Variants in STARD9 observed in about 807,000 individuals in gnomAD.
STARD9 encodes the protein stAR-related lipid transfer protein 9.
Under a neutral mutation model 399.8 loss-of-function variants are expected in STARD9, and 346 were observed. The observed-to-expected ratio is 0.87, with a 90% CI of 0.79 to 0.95. STARD9 has a LOEUF of 0.95. Ranked by LOEUF, STARD9 falls within the 40% of genes least tolerant of loss-of-function variation. The probability of loss-of-function intolerance (pLI) is 0.00; values close to 1 mark genes in which losing one functional copy is unlikely to be tolerated. For synonymous variants in STARD9, 2,203 were observed against 2,143.5 expected, an observed-to-expected ratio of 1.03 and a Z score of -0.77; for missense variants, 5,832 against 5,667.5, an observed-to-expected ratio of 1.03 and a Z score of -0.93.
At chr15:42,608,543 G>T (rs184011489) in intron 3 of STARD9, among the ~76,000 whole-genome samples, 4 of 152,286 alleles carry the variant, frequency 2.6e-5, no homozygotes, top group Admixed American at 1.3e-4. Context: ...CAGCCTGATT[G>T]CAGGAAAAGT....
intron 3 of STARD9, among the ~76,000 whole-genome samples, chr15:42,612,336 G>A (rs149988884): frequency 9.3e-4 from 141 of 152,248 alleles, no homozygotes; most frequent in African/African-American, 3.2e-3. Flanking sequence ...CTAAGAACAT[G>A]AGTCTTAGGC....
intron 7 of STARD9, among the ~76,000 whole-genome samples, chr15:42,642,078 A>G (rs974303061): frequency 1.3e-5 from 2 of 152,218 alleles, no homozygotes; most frequent in Non-Finnish European, 1.5e-5. Context: ...TATCTTATCT[A>G]TCTGCCTGTC....
chr15:42,656,287 C>T (rs549291574), intron 9 of STARD9, among the ~76,000 whole-genome samples: 54 of 121,918 alleles, frequency 4.4e-4, no homozygotes, highest in African/African-American at 1.6e-3. Flanking sequence ...GCAGAGGTTG[C>T]AGTGAGCCGA....
Position 42,669,331 on chromosome 15 carries a change from T to C in STARD9, c.1491T>C (p.His497=), listed in dbSNP as rs1253421155. 3 of 1,512,822 alleles carry C rather than the reference T, an allele frequency of 2.0e-6. No homozygotes were observed. Among genetic ancestry groups the C allele is most frequent in the Non-Finnish European group, 2.7e-6 (3 of 1,127,258 alleles). 93.7% of individuals were successfully genotyped at this position (1,512,822 alleles called of 1,614,324 possible). The change falls in exon 16 of 33, where the codon CAT becomes CAC. Residue 497 remains histidine (H), a synonymous_variant. Transcript: ENST00000290607. ...DVLSTGVVLY[H]LKEGTTKIGR... ...TCAGCACAGGTGTTGTGCTCTATCA[T>C]CTCAAGGTGAGGAGGCTAGTGTATC...
chr15:42,708,983 G>A (rs1180894257), intron 26 of STARD9, among the ~76,000 whole-genome samples: 2 of 151,914 alleles, frequency 1.3e-5, no homozygotes, highest in African/African-American at 2.4e-5. Context: ...CCTTATTCTC[G>A]GTGCATTGTA....
At chr15:42,718,549 A>G (rs2061393875) in intron 31 of STARD9, 35 bp downstream of exon 31, 3 of 1,527,534 alleles carry the variant, frequency 2.0e-6, no homozygotes, top group Non-Finnish European at 2.6e-6. Flanking sequence ...TTGTGGGAAG[A>G]ACTTGGGCTG....
Position 42,690,059 on chromosome 15 carries a change from C to T in STARD9, c.8481C>T (p.Ala2827=). ...VTCDVQNSTS[A]SGPKQDHVQC... ...GTGATGTTCAGAATTCTACAAGTGC[C>T]TCAGGGCCTAAGCAAGACCATGTCC... Residue 2827 remains alanine (A), a synonymous_variant, in exon 23 of 33, where the codon GCC becomes GCT. Coordinates refer to ENST00000290607, the MANE Select transcript of STARD9 (RefSeq NM_020759.3). 1 of 1,537,526 alleles carries T rather than the reference C, an allele frequency of 6.5e-7. No homozygotes were observed.
At chr15:42,644,288 T>C (rs1292670607) in intron 7 of STARD9, among the ~76,000 whole-genome samples, 1 of 152,136 alleles carries the variant, frequency 6.6e-6, no homozygotes, top group Non-Finnish European at 1.5e-5. Context: ...GGTCAGGAGA[T>C]AGAGACCATC....
At chr15:42,618,489 C>T (rs564752625) in intron 3 of STARD9, among the ~76,000 whole-genome samples, 8 of 152,170 alleles carry the variant, frequency 5.3e-5, no homozygotes, top group African/African-American at 1.7e-4. Flanking sequence ...AGATAATCAT[C>T]CATTTCATCT....
intron 7 of STARD9, among the ~76,000 whole-genome samples, chr15:42,645,864 A>G (rs1388632876): frequency 6.6e-6 from 1 of 151,902 alleles, no homozygotes; most frequent in East Asian, 1.9e-4. Flanking sequence ...TTTCAGAGTG[A>G]TAATGGCTTC....
At chr15:42,675,627 G>C in intron 18 of STARD9, 37 bp from the exon 19 acceptor site, 1 of 1,465,926 alleles carries the variant, frequency 6.8e-7, no homozygotes. Flanking sequence ...CAAAACATGA[G>C]CTGTTGATTG....
rs1318025610 is a variant in STARD9, at chr15:42,718,861, C to T, written c.13952C>T (p.Pro4651Leu). The T allele has an allele frequency of 2.0e-6, 3 of 1,537,072 alleles. No individual in the cohort carries two copies. In the African/African-American group the frequency reaches 4.1e-5, roughly 21 times the overall value. Reference protein sequence around the residue: ...EILPSAWILQPITVEGKEVTR... With the variant: ...EILPSAWILQLITVEGKEVTR... ...CTGCCCAGTGCCTGGATCTTGCAGCCCATCACTGTGGAAGGGAAGGAAGTC... is the reference window on the plus strand; with the variant it reads ...CTGCCCAGTGCCTGGATCTTGCAGCTCATCACTGTGGAAGGGAAGGAAGTC... The change falls in exon 32 of 33, where the codon CCC becomes CTC. Residue 4651 changes from proline (P) to leucine (L), a missense_variant. By Grantham distance (98) the Pro-to-Leu change is moderately conservative. This residue lies in a region of STARD9 where 5,828 missense variants were observed against 5,651.1 expected (regional missense o/e 1.03). Coordinates refer to ENST00000290607, the MANE Select transcript of STARD9 (RefSeq NM_020759.3).
chr15:42,607,348 A>G (rs1446334615), intron 3 of STARD9, among the ~76,000 whole-genome samples: 2 of 151,476 alleles, frequency 1.3e-5, no homozygotes, highest in Non-Finnish European at 2.9e-5. Context: ...GACTACAGGC[A>G]TGCACCACCA....
chr15:42,590,881 C>A (rs1303253365), intron 3 of STARD9, among the ~76,000 whole-genome samples: 4 of 152,312 alleles, frequency 2.6e-5, no homozygotes. Context: ...CATGAGGGAT[C>A]TGTCCCCATG....
chr15:42,635,416 GC>G (rs2059400884), intron 4 of STARD9, among the ~76,000 whole-genome samples: 1 of 151,508 alleles, frequency 6.6e-6, no homozygotes, highest in East Asian at 2.0e-4. Flanking sequence ...TGCAAGCTCC[GC>G]CTCCCGGGTT....
chr15:42,633,806 G>T (rs1046881897), intron 3 of STARD9, among the ~76,000 whole-genome samples: 1 of 151,822 alleles, frequency 6.6e-6, no homozygotes, highest in African/African-American at 2.4e-5. Flanking sequence ...CCATGCCTGG[G>T]TAATTTTTTG....
intron 9 of STARD9, among the ~76,000 whole-genome samples, chr15:42,654,876 G>A (rs2059834161): frequency 6.6e-6 from 1 of 152,134 alleles, no homozygotes; most frequent in South Asian, 2.1e-4. Context: ...CAAATTCAAT[G>A]CAATCCCCAT....
At chr15:42,596,972 C>T (rs1667493) in intron 3 of STARD9, among the ~76,000 whole-genome samples, 88,632 of 152,046 alleles carry the variant, frequency 0.58, 29,238 homozygotes, top group East Asian at 0.73. Context: ...TAGATAGCAT[C>T]TATTTCTTAT....
chr15:42,617,977 C>G (rs949915794), intron 3 of STARD9, among the ~76,000 whole-genome samples: 2 of 152,072 alleles, frequency 1.3e-5, no homozygotes, highest in Admixed American at 6.5e-5. Flanking sequence ...TGAGGTTAGT[C>G]TGAAACTCCT....
Sources: allele counts gnomAD v4.1 joint callset (sites outside exome capture counted in the v4.1 genomes callset), GRCh38; gene constraint gnomAD v4.1.1; regional missense constraint gnomAD v4.1.1; transcripts MANE v1.5; gene names NCBI Gene and HGNC (gene_info 2026-07-23, HGNC 2026-07-21).